The following TSGA10 variants were observed in gnomAD, a reference collection of about 807,000 sequenced individuals.
The protein encoded by TSGA10 is testis specific 10.
A neutral mutation model predicts 96.6 loss-of-function variants in TSGA10; 43 were observed. That is an observed-to-expected ratio of 0.44 (90% CI 0.35 to 0.57). TSGA10 has a LOEUF of 0.57. TSGA10 is among the 20% of genes least tolerant of loss of function. TSGA10 has a pLI of 0.01. For synonymous variants in TSGA10, 229 were observed against 269.9 expected, an observed-to-expected ratio of 0.85 and a Z score of 1.48; for missense variants, 703 against 834.4, an observed-to-expected ratio of 0.84 and a Z score of 1.94.
intron 16 of TSGA10, among the ~76,000 whole-genome samples, chr2:99,055,676 G>A (rs1291377440): frequency 6.6e-6 from 1 of 151,594 alleles, no homozygotes; most frequent in Non-Finnish European, 1.5e-5. Flanking sequence ...AAGAGAGAGG[G>A]AGAGAGAGAG....
At position 99,059,050 on chromosome 2, in the gene TSGA10, AT is replaced by A. The variant is rs1261495678; in HGVS notation, c.1404+5888del. On this transcript the variant is annotated intron_variant, in intron 16 of 20. Transcript: ENST00000393483. ...GACTCTGTCTCAAAAAAAAAAAATAATATATATATATATATATATTTATATA... is the reference window on the plus strand; with the variant it reads ...GACTCTGTCTCAAAAAAAAAAAATAAATATATATATATATATATTTATATA... Among the ~76,000 whole-genome samples, 433 of 52,542 alleles carry A rather than the reference AT, an allele frequency of 8.2e-3. 4 individuals carry two copies. Among genetic ancestry groups the A allele is most frequent in the African/African-American group, 0.061 (411 of 6,746 alleles). 34.5% of individuals were successfully genotyped at this position (52,542 alleles called of 152,430 possible).
intron 15 of TSGA10, among the ~76,000 whole-genome samples, chr2:99,066,222 C>T (rs2085246247): frequency 6.6e-6 from 1 of 152,206 alleles, no homozygotes; most frequent in Non-Finnish European, 1.5e-5. Context: ...TGTGAAAGAT[C>T]TTTGCCAAGT....
intron 20 of TSGA10, among the ~76,000 whole-genome samples, chr2:99,012,033 T>C (rs1413287883): frequency 1.3e-5 from 2 of 152,196 alleles, no homozygotes; most frequent in Non-Finnish European, 2.9e-5. Context: ...GGGTCCCATC[T>C]TTAGCCTTAT....
At chr2:99,046,314 T>C (rs929027573) in intron 16 of TSGA10, among the ~76,000 whole-genome samples, 2 of 152,150 alleles carry the variant, frequency 1.3e-5, no homozygotes, top group South Asian at 2.1e-4. Flanking sequence ...ATTGACCACA[T>C]AGTTGGAAGT....
intron 1 of TSGA10, among the ~76,000 whole-genome samples, chr2:99,135,407 C>T (rs2093284713): frequency 6.6e-6 from 1 of 152,210 alleles, no homozygotes; most frequent in African/African-American, 2.4e-5. Flanking sequence ...AATCACCTGC[C>T]TTCTGCATTC....
chr2:99,068,942 C>A lies in TSGA10; in HGVS notation c.1164G>T (p.Lys388Asn), dbSNP rs746626860. The A allele has an allele frequency of 5.4e-6, 8 of 1,473,122 alleles. No individual in the cohort carries two copies. In the South Asian group the frequency reaches 1.3e-4, roughly 23 times the overall value. 91.3% of individuals were successfully genotyped at this position (1,473,122 alleles called of 1,614,324 possible). A position where few individuals can be genotyped will look rare whatever the true frequency, so the allele number is the denominator to read the frequency against. Residue 388 changes from lysine (K) to asparagine (N), a missense_variant, in exon 15 of 21, where the codon AAG (lysine) becomes AAT (asparagine). Physicochemically the swap from Lys to Asn is moderately conservative, Grantham distance 94. This residue lies in a region of TSGA10 where 585 missense variants were observed against 656.8 expected (regional missense o/e 0.89). Coordinates refer to ENST00000393483, the MANE Select transcript of TSGA10 (RefSeq NM_025244.4). ...THNELNDIKQ[K>N]VQDTNLEVNK... ...TAACCTCCAAATTAGTATCTTGAAC[C>A]TTCTGTTTTATGTCATTAAGTTCAT...
At chr2:99,029,358 C>G (rs1473105909) in intron 17 of TSGA10, among the ~76,000 whole-genome samples, 1 of 151,822 alleles carries the variant, frequency 6.6e-6, no homozygotes, top group African/African-American at 2.4e-5. Context: ...GATAGAAAAT[C>G]AAGACCAGGG....
intron 16 of TSGA10, among the ~76,000 whole-genome samples, chr2:99,062,878 C>T (rs763714915): frequency 6.6e-6 from 1 of 152,158 alleles, no homozygotes; most frequent in Non-Finnish European, 1.5e-5. Context: ...AATTTCCAGT[C>T]TTCAATGCAT....
intron 20 of TSGA10, among the ~76,000 whole-genome samples, chr2:99,006,001 C>T (rs1418253264): frequency 1.3e-5 from 2 of 152,124 alleles, no homozygotes; most frequent in East Asian, 1.9e-4. Context: ...TATCTACAAC[C>T]ATCTGATCTT....
intron 10 of TSGA10, among the ~76,000 whole-genome samples, chr2:99,090,732 G>T (rs1256052154): frequency 1.3e-5 from 2 of 151,858 alleles, no homozygotes; most frequent in South Asian, 2.1e-4. Flanking sequence ...AAAGAAAAAA[G>T]AATTTTAAAA....
At chr2:99,131,710 G>A (rs2093095625) in intron 1 of TSGA10, among the ~76,000 whole-genome samples, 1 of 152,116 alleles carries the variant, frequency 6.6e-6, no homozygotes, top group Non-Finnish European at 1.5e-5. Context: ...TTTTCAAAGG[G>A]AATGCTTCCA....
intron 10 of TSGA10, among the ~76,000 whole-genome samples, chr2:99,088,446 C>T (rs1250116514): frequency 6.6e-6 from 1 of 152,174 alleles, no homozygotes; most frequent in Non-Finnish European, 1.5e-5. Flanking sequence ...TCTGTGGTTT[C>T]AGGCATCCAC....
chr2:99,024,986 C>A (rs2080427622), intron 17 of TSGA10, among the ~76,000 whole-genome samples: 2 of 152,226 alleles, frequency 1.3e-5, no homozygotes, highest in Admixed American at 6.5e-5. Flanking sequence ...ATGGAATAAA[C>A]CTTACTAGAT....
chr2:99,131,736 G>T (rs1285803765), intron 1 of TSGA10, among the ~76,000 whole-genome samples: 1 of 152,154 alleles, frequency 6.6e-6, no homozygotes, highest in Non-Finnish European at 1.5e-5. Flanking sequence ...TGTCCATTCA[G>T]TATGATATTG....
At chr2:99,108,365 A>T in intron 7 of TSGA10, among the ~76,000 whole-genome samples, 1 of 152,136 alleles carries the variant, frequency 6.6e-6, no homozygotes, top group African/African-American at 2.4e-5. Context: ...TGTTGGGTTA[A>T]AGAAGGTATT....
chr2:99,062,407 T>G (rs2084801249), intron 16 of TSGA10, among the ~76,000 whole-genome samples: 1 of 152,128 alleles, frequency 6.6e-6, no homozygotes, highest in African/African-American at 2.4e-5. Context: ...AAAAATAGAC[T>G]AATAACCTCA....
intron 12 of TSGA10, among the ~76,000 whole-genome samples, chr2:99,075,108 A>G (rs2086540251): frequency 6.6e-6 from 1 of 152,186 alleles, no homozygotes; most frequent in African/African-American, 2.4e-5. Context: ...GTTGAATCCA[A>G]TAACATATAC....
intron 10 of TSGA10, among the ~76,000 whole-genome samples, chr2:99,096,607 T>C (rs1361934252): frequency 6.6e-6 from 1 of 152,248 alleles, no homozygotes; most frequent in African/African-American, 2.4e-5. Context: ...CTTCCAGTGT[T>C]GTAACTCTTG....
At chr2:99,001,195 T>C (rs1247885700) in intron 20 of TSGA10, among the ~76,000 whole-genome samples, 1 of 152,148 alleles carries the variant, frequency 6.6e-6, no homozygotes, top group Non-Finnish European at 1.5e-5. Context: ...GACCCCCTAG[T>C]AGCCTAACTC....
Sources: gnomAD v4.1 joint callset for allele counts (sites outside exome capture counted in the v4.1 genomes callset) on GRCh38, gnomAD v4.1.1 for gene constraint, gnomAD v4.1.1 regional missense constraint, MANE v1.5 for transcripts, NCBI Gene and HGNC (gene_info 2026-07-23, HGNC 2026-07-21) for gene names.